The following DMRT3 variants were observed in gnomAD, a reference collection of about 807,000 sequenced individuals.
The protein encoded by DMRT3 is doublesex and mab-3 related transcription factor 3, also known as doublesex- and mab-3-related transcription factor 3.
Under a neutral mutation model 34.9 loss-of-function variants are expected in DMRT3, and 29 were observed. The ratio of observed to expected loss-of-function variants is 0.83; its 90% CI spans 0.62 to 1.13. The LOEUF is 1.13. DMRT3 is among the 50% of genes most tolerant of loss of function. The probability of loss-of-function intolerance (pLI) is 0.00; values close to 1 mark genes in which losing one functional copy is unlikely to be tolerated. For missense variants in DMRT3, 772 were observed against 629.1 expected, an observed-to-expected ratio of 1.23 and a Z score of -2.43; for synonymous variants, 350 against 286.0, an observed-to-expected ratio of 1.22 and a Z score of -2.26.
rs375501066 is a variant in DMRT3 at position 981,247 on chromosome 9, C to T, written c.454+3792C>T. ...TTTCTGCTCCGGCTTGACTGGGTCCCGCAAAGTCCACTTCCTTTTTTTTTA... is the reference window on the plus strand; with the variant it reads ...TTTCTGCTCCGGCTTGACTGGGTCCTGCAAAGTCCACTTCCTTTTTTTTTA... On this transcript the variant is annotated intron_variant, in intron 1 of 1. Transcript: ENST00000190165. Among the ~76,000 whole-genome samples, 25 of 152,060 alleles carry T rather than the reference C, an allele frequency of 1.6e-4. No individual in the cohort carries two copies. The South Asian group carries it at 4.4e-3, about 27-fold the overall frequency.
intron 1 of DMRT3, among the ~76,000 whole-genome samples, chr9:981,273 A>T (rs1436907278): frequency 5.4e-5 from 8 of 149,472 alleles, no homozygotes; most frequent in African/African-American, 1.5e-4. Flanking sequence ...TTTTTTTTTA[A>T]TTTTTTTTTC....
chr9:989,844 T>C, intron 1 of DMRT3, 197 bp from the exon 2 acceptor site: 1 of 634,298 alleles, frequency 1.6e-6, no homozygotes, highest in Non-Finnish European at 2.6e-6. Flanking sequence ...CTCTGATTTC[T>C]AGATCTTTAT....
In DMRT3 at chr9:976,886, G is replaced by A. The variant is rs1586680918; in HGVS notation, c.-116G>A. On this transcript the variant is annotated 5_prime_UTR_variant, in exon 1 of 2. Coordinates refer to ENST00000190165, the MANE Select transcript of DMRT3 (RefSeq NM_021240.4). This position sits in a 1 kb window ranked among gnomAD's most constrained non-coding sequence, Gnocchi z 4.5. ...GCACACACGACCACCGGGGCTGCGG[G>A]ACCAAGGGCCGCGTCGCCCGGAGGC... is the stretch of plus-strand genomic sequence containing the variant. The A allele has an allele frequency of 1.3e-5, 15 of 1,166,280 alleles. No individual in the cohort carries two copies. The South Asian group carries it at 2.7e-4, about 21-fold the overall frequency. 72.2% of individuals were successfully genotyped at this position (1,166,280 alleles called of 1,614,324 possible). A position where few individuals can be genotyped will look rare whatever the true frequency, so the allele number is the denominator to read the frequency against.
chr9:989,892 C>T (rs563253121), intron 1 of DMRT3, 149 bp from the exon 2 acceptor site: 30 of 1,003,522 alleles, frequency 3.0e-5, no homozygotes, highest in African/African-American at 9.7e-5. Context: ...TGATATAGTT[C>T]GAATTTTTTT....
At chr9:979,557 C>T (rs1162266869) in intron 1 of DMRT3, among the ~76,000 whole-genome samples, 2 of 152,170 alleles carry the variant, frequency 1.3e-5, no homozygotes, top group African/African-American at 4.8e-5. Context: ...TTGATGTACA[C>T]AACTTTTGTT....
Position 990,085 on chromosome 9 carries a change from A to G in DMRT3, c.499A>G (p.Thr167Ala), listed in dbSNP as rs139310500. The G allele has an allele frequency of 1.2e-4, 187 of 1,613,926 alleles. No homozygotes were observed. In the African/African-American group the frequency reaches 2.1e-3, roughly 18 times the overall value. ...TGGAGACGGCAAGTCGGCAGACAAT[A>G]CAGAGGTCTTCAGTGACAAAGACAC... ...RLGDGKSADNTEVFSDKDTDQ... is the reference protein window; with the variant it reads ...RLGDGKSADNAEVFSDKDTDQ... The change falls in exon 2 of 2, where the codon ACA becomes GCA. Residue 167 changes from threonine to alanine, a missense_variant. Transcript: ENST00000190165.
chr9:990,470 C>T lies in DMRT3; in HGVS notation c.884C>T (p.Ala295Val), dbSNP rs1820343702. Reference protein sequence around the residue: ...LLSSRSSVTGAERTSAEPESL... With the variant: ...LLSSRSSVTGVERTSAEPESL... ...TCCAGCCGATCCTCAGTCACGGGAG[C>T]AGAGCGAACTTCCGCAGAACCTGAG... Residue 295 changes from alanine (A) to valine (V), a missense_variant, in exon 2 of 2, where the codon GCA becomes GTA. Ala to Val is a moderately conservative substitution (Grantham distance 64). Transcript: ENST00000190165. The T allele has an allele frequency of 1.9e-6, 3 of 1,614,082 alleles. No individual in the cohort carries two copies. Among genetic ancestry groups the T allele is most frequent in the East Asian group, 2.2e-5 (1 of 44,888 alleles).
chr9:990,669 T>A lies in DMRT3; in HGVS notation c.1083T>A (p.Pro361=), dbSNP rs563979947. 5.6e-6 allele frequency: 9 copies of A among 1,614,032 alleles called. No individual in the cohort carries two copies. In the East Asian group the frequency reaches 2.0e-4, roughly 36 times the overall value. The part of the protein sequence containing the change: ...PSPLAGPLQP[P]FPQPPRYPLM... ...CCTTGGCTGGGCCTCTGCAGCCCCC[T>A]TTCCCCCAGCCACCCCGGTACCCGC... Residue 361 remains proline, a synonymous_variant, in exon 2 of 2, where the codon CCT becomes CCA. Transcript: ENST00000190165.
Position 990,460 on chromosome 9 carries a change from G to C in DMRT3, c.874G>C (p.Val292Leu). Residue 292 changes from valine to leucine, a missense_variant, in exon 2 of 2, where the codon GTC becomes CTC. Physicochemically the swap from Val to Leu is conservative, Grantham distance 32 (BLOSUM62 1). Coordinates refer to ENST00000190165, the MANE Select transcript of DMRT3 (RefSeq NM_021240.4). ...VEVLLSSRSS[V>L]TGAERTSAEP... ...AGTCCTTCTGTCCAGCCGATCCTCA[G>C]TCACGGGAGCAGAGCGAACTTCCGC... 3.1e-6 allele frequency: 5 copies of C among 1,614,184 alleles called. No homozygotes were observed. The highest frequency in any genetic ancestry group is 4.2e-6 in the Non-Finnish European group (5 of 1,180,028).
rs1311052035 is a variant in DMRT3 at position 990,187 on chromosome 9, G to A, written c.601G>A (p.Glu201Lys). ...TPESPEIVSV[E>K]EGGYAVQKNG... ...TGAGAGCCCTGAGATAGTGTCCGTG[G>A]AGGAAGGGGGATACGCTGTCCAGAA... is the stretch of plus-strand genomic sequence containing the variant. Residue 201 changes from glutamate (E) to lysine (K), a missense_variant, in exon 2 of 2, where the codon GAG (glutamate) becomes AAG (lysine). Physicochemically the swap from Glu to Lys is moderately conservative, Grantham distance 56 (BLOSUM62 1). Transcript: ENST00000190165. The A allele has an allele frequency of 1.2e-6, 2 of 1,613,944 alleles. No individual in the cohort carries two copies. The highest frequency in any genetic ancestry group is 8.5e-7 in the Non-Finnish European group (1 of 1,180,016).
At position 989,845 on chromosome 9, in the gene DMRT3, A is replaced by G. The variant is rs1317984411; in HGVS notation, c.455-196A>G. On this transcript the variant is annotated intron_variant, in intron 1 of 1. Coordinates refer to ENST00000190165, the MANE Select transcript of DMRT3 (RefSeq NM_021240.4). The stretch of plus-strand genomic sequence containing the variant: ...ATTCCAGGAAGCCACTCTGATTTCT[A>G]GATCTTTATTTACAGGGTTTTTGTT... 1.9e-5 allele frequency: 12 copies of G among 629,936 alleles called. No individual in the cohort carries two copies. In the East Asian group the frequency reaches 3.7e-4, roughly 19 times the overall value. The allele number at this position is 629,936 out of a possible 1,614,324, so 39.0% of individuals were successfully genotyped here.
intron 1 of DMRT3, among the ~76,000 whole-genome samples, chr9:986,633 C>T (rs1586685159): frequency 6.6e-6 from 1 of 152,130 alleles, no homozygotes; most frequent in East Asian, 1.9e-4. Context: ...TGGCTGACTC[C>T]TGTAATCCCA....
At position 990,551 on chromosome 9, in the gene DMRT3, C is replaced by T. The variant is rs763094593; in HGVS notation, c.965C>T (p.Pro322Leu). 6 of 1,614,000 alleles carry T rather than the reference C, an allele frequency of 3.7e-6. No individual in the cohort carries two copies. The African/African-American group carries it at 4.0e-5, about 11-fold the overall frequency. The change falls in exon 2 of 2, where the codon CCC (proline) becomes CTC (leucine). Residue 322 changes from proline (P) to leucine (L), a missense_variant. Pro to Leu is a moderately conservative substitution (Grantham distance 98). Coordinates refer to ENST00000190165, the MANE Select transcript of DMRT3 (RefSeq NM_021240.4). The part of the protein sequence containing the change: ...HIFEHTLSSY[P>L]ISSSKWSVGS... Reference sequence around the variant, plus strand: ...TTTGAACACACCTTGAGCTCCTACCCCATCTCGTCTTCCAAATGGTCTGTG... The same window carrying T: ...TTTGAACACACCTTGAGCTCCTACCTCATCTCGTCTTCCAAATGGTCTGTG...
At position 990,584 on chromosome 9, in the gene DMRT3, C is replaced by T; in HGVS notation, c.998C>T (p.Ala333Val). The T allele has an allele frequency of 6.2e-7, 1 of 1,614,134 alleles. No homozygotes were observed. Among genetic ancestry groups the T allele is most frequent in the East Asian group, 2.2e-5 (1 of 44,852 alleles). The change falls in exon 2 of 2, where the codon GCC becomes GTC. Residue 333 changes from alanine to valine, a missense_variant. Physicochemically the swap from Ala to Val is moderately conservative, Grantham distance 64 (BLOSUM62 0). Coordinates refer to ENST00000190165, the MANE Select transcript of DMRT3 (RefSeq NM_021240.4). ...TCTTCCAAATGGTCTGTGGGATCAG[C>T]CTTTCGAGTCCCAGACACGTTGAGG... is the stretch of plus-strand genomic sequence containing the variant. ...ISSSKWSVGS[A>V]FRVPDTLRFS...
chr9:986,571 G>T (rs923224722), intron 1 of DMRT3, among the ~76,000 whole-genome samples: 1 of 152,104 alleles, frequency 6.6e-6, no homozygotes, highest in African/African-American at 2.4e-5. Flanking sequence ...AAAACACAAA[G>T]CTATTTGGTT....
Position 977,244 on chromosome 9 carries a change from G to A in DMRT3, c.243G>A (p.Glu81=). The A allele has an allele frequency of 1.3e-6, 2 of 1,593,968 alleles. No individual in the cohort carries two copies. Among genetic ancestry groups the A allele is most frequent in the South Asian group, 1.1e-5 (1 of 88,754 alleles). ...CGCTGCGCCGGCAGCAGGCCAACGA[G>A]AGCTTGGAGAGCCTCATCCCCGACT... ...QVALRRQQAN[E]SLESLIPDSL... The change falls in exon 1 of 2, where the codon GAG becomes GAA. Residue 81 remains glutamate (E), a synonymous_variant. Transcript: ENST00000190165.
At position 990,610 on chromosome 9, in the gene DMRT3, T is replaced by C. The variant is rs758314939; in HGVS notation, c.1024T>C (p.Phe342Leu). 42 of 1,613,760 alleles carry C rather than the reference T, an allele frequency of 2.6e-5. No homozygotes were observed. In the Admixed American group the frequency reaches 5.8e-4, roughly 22 times the overall value. ...CTTTCGAGTCCCAGACACGTTGAGG[T>C]TTTCTGCCGACTCTAGCAACGTTGT... Reference protein sequence around the residue: ...SAFRVPDTLRFSADSSNVVPS... With the variant: ...SAFRVPDTLRLSADSSNVVPS... Residue 342 changes from phenylalanine to leucine, a missense_variant, in exon 2 of 2, where the codon TTT (phenylalanine) becomes CTT (leucine). Transcript: ENST00000190165.
chr9:979,638 G>C (rs1019931131), intron 1 of DMRT3, among the ~76,000 whole-genome samples: 4 of 152,048 alleles, frequency 2.6e-5, no homozygotes, highest in Non-Finnish European at 5.9e-5. Flanking sequence ...ACTCTGATGG[G>C]GAGTGGGGAG....
chr9:977,558 T>G, intron 1 of DMRT3, 103 bp downstream of exon 1: 1 of 1,048,626 alleles, frequency 9.5e-7, no homozygotes, highest in Non-Finnish European at 1.2e-6. Context: ...TTTTGGGACG[T>G]GGGCCTGTCG....
Sources: gnomAD v4.1 joint callset for allele counts (sites outside exome capture counted in the v4.1 genomes callset) on GRCh38, gnomAD v4.1.1 for gene constraint, Gnocchi (gnomAD v3.1) non-coding constraint, MANE v1.5 for transcripts, NCBI Gene and HGNC (gene_info 2026-07-23, HGNC 2026-07-21) for gene names.